KIAA0513: variants seen among roughly 807,000 people sequenced by gnomAD.
KIAA0513 encodes uncharacterized protein KIAA0513.
A neutral mutation model predicts 56.5 loss-of-function variants in KIAA0513; 39 were observed. The observed-to-expected ratio is 0.69, with a 90% CI of 0.53 to 0.90. The LOEUF is 0.90. KIAA0513 is among the 40% of genes least tolerant of loss of function. The pLI is 0.00. For missense variants in KIAA0513, 591 were observed against 535.2 expected (o/e 1.10, Z -1.03); for synonymous variants, 268 against 215.6 (o/e 1.24, Z -2.13).
At chr16:85,053,380 C>T (rs1054388828) in intron 1 of KIAA0513, among the ~76,000 whole-genome samples, 28 of 152,166 alleles carry the variant, frequency 1.8e-4, no homozygotes, top group African/African-American at 6.5e-4. Context: ...TTTTGGGTCT[C>T]GATTGTGTCA....
At position 85,076,556 on chromosome 16, in the gene KIAA0513, T is replaced by C. The variant is rs1224276311; in HGVS notation, c.574+642T>C. On this transcript the variant is annotated intron_variant, in intron 5 of 12. Coordinates refer to ENST00000683363, the MANE Select transcript of KIAA0513 (RefSeq NM_001388359.1). This position sits in a 1 kb window ranked among gnomAD's most constrained non-coding sequence, Gnocchi z 4.7. The stretch of plus-strand genomic sequence containing the variant: ...AGCCTCCTCGTGGACTGGAGCTAGG[T>C]CAGGGAGGTGCTAGGCCCTGGTCCC... 1.3e-5 allele frequency among the ~76,000 whole-genome samples: 2 copies of C among 152,098 alleles called. No homozygotes were observed. The highest frequency in any genetic ancestry group is 4.8e-5 in the African/African-American group (2 of 41,426).
intron 4 of KIAA0513, among the ~76,000 whole-genome samples, chr16:85,073,265 G>A (rs909912001): frequency 2.0e-5 from 3 of 152,190 alleles, no homozygotes; most frequent in African/African-American, 7.2e-5. Flanking sequence ...GGGTCCTCAG[G>A]GCCAGATGGT....
In KIAA0513 at chr16:85,049,870, C is replaced by T. The variant is rs2073225181; in HGVS notation, c.-172-17030C>T. Among the ~76,000 whole-genome samples, 6 of 152,302 alleles carry T rather than the reference C, an allele frequency of 3.9e-5. No individual in the cohort carries two copies. In the South Asian group the frequency reaches 1.2e-3, roughly 32 times the overall value. ...ATCTCTTAGGGAGCCTCTCCCTGTC[C>T]AGTAATTAAGTGTGGCTGTCTCCAT... On this transcript the variant is annotated intron_variant, in intron 1 of 12. Coordinates refer to ENST00000683363, the MANE Select transcript of KIAA0513 (RefSeq NM_001388359.1).
chr16:85,033,758 A>T (rs920284005), intron 1 of KIAA0513, among the ~76,000 whole-genome samples: 4 of 152,122 alleles, frequency 2.6e-5, no homozygotes, highest in Admixed American at 1.3e-4. Flanking sequence ...TCAATTCCTC[A>T]TTCTGTCACC....
At chr16:85,068,341 T>G (rs1336978206) in intron 2 of KIAA0513, among the ~76,000 whole-genome samples, 1 of 131,394 alleles carries the variant, frequency 7.6e-6, no homozygotes, top group East Asian at 2.1e-4. Context: ...ATTTTTTTTG[T>G]TTTTTTTTTG....
At chr16:85,052,061 C>A (rs1174646373) in intron 1 of KIAA0513, among the ~76,000 whole-genome samples, 1 of 152,118 alleles carries the variant, frequency 6.6e-6, no homozygotes. Context: ...GTGGCTCACG[C>A]CTGTAATCCC....
Position 85,072,927 on chromosome 16 carries a change from C to T in KIAA0513, c.432C>T (p.Arg144=). ...EWFARYVSAQ[R]CNSKCVSEAT... ...TGTGTCTGCCTCTTTCTGGACAGCGCTGCAACTCCAAGTGTGTCTCAGAGG... is the reference window on the plus strand; with the variant it reads ...TGTGTCTGCCTCTTTCTGGACAGCGTTGCAACTCCAAGTGTGTCTCAGAGG... Residue 144 remains arginine (R), a splice_region_variant and synonymous_variant, in exon 4 of 13, where the codon CGC becomes CGT. Transcript: ENST00000683363. 6.2e-7 allele frequency: 1 copy of T among 1,614,176 alleles called. No individual in the cohort carries two copies. The highest frequency in any genetic ancestry group is 8.5e-7 in the Non-Finnish European group (1 of 1,179,984).
Position 85,078,408 on chromosome 16 carries a change from C to A in KIAA0513, c.783-7C>A, listed in dbSNP as rs2073691201. 3 of 1,613,964 alleles carry A rather than the reference C, an allele frequency of 1.9e-6. No individual in the cohort carries two copies. Among genetic ancestry groups the A allele is most frequent in the South Asian group, 2.2e-5 (2 of 91,068 alleles). On this transcript the variant is annotated splice_polypyrimidine_tract_variant and splice_region_variant and intron_variant, in intron 6 of 12. Coordinates refer to ENST00000683363, the MANE Select transcript of KIAA0513 (RefSeq NM_001388359.1). The stretch of plus-strand genomic sequence containing the variant: ...CGTGTGTCATCATTGTGCCTTCTCT[C>A]CCTCAGGGAAGACGAGAACAAACCC...
chr16:85,067,538 G>A (rs560085979), intron 2 of KIAA0513, 138 bp downstream of exon 2: 24 of 670,888 alleles, frequency 3.6e-5, no homozygotes, highest in South Asian at 1.3e-4. Context: ...CAGGGGTGGC[G>A]ACTGCAGGGG....
At chr16:85,062,523 A>G (rs2073420945) in intron 1 of KIAA0513, among the ~76,000 whole-genome samples, 1 of 152,248 alleles carries the variant, frequency 6.6e-6, no homozygotes, top group African/African-American at 2.4e-5. Context: ...CTGTGGCCAA[A>G]AACACGGTTT....
intron 2 of KIAA0513, among the ~76,000 whole-genome samples, chr16:85,068,992 A>C (rs1004468322): frequency 2.0e-5 from 3 of 152,164 alleles, no homozygotes; most frequent in Non-Finnish European, 4.4e-5. Flanking sequence ...AACGTAAGAT[A>C]ATAAAGCTGT....
chr16:85,075,720 G>C, intron 4 of KIAA0513, 124 bp from the exon 5 acceptor site: 1 of 767,598 alleles, frequency 1.3e-6, no homozygotes, highest in Non-Finnish European at 2.3e-6. Flanking sequence ...ATTGTTTTGT[G>C]CATCTCCAGT....
chr16:85,083,125 C>T (rs561417140), intron 10 of KIAA0513, among the ~76,000 whole-genome samples: 3 of 152,276 alleles, frequency 2.0e-5, no homozygotes, highest in East Asian at 3.9e-4. Flanking sequence ...GAGGGAGGCA[C>T]GGAAGAAGGA....
At chr16:85,033,468 C>A (rs534199670) in intron 1 of KIAA0513, among the ~76,000 whole-genome samples, 1 of 152,194 alleles carries the variant, frequency 6.6e-6, no homozygotes, top group East Asian at 1.9e-4. Context: ...AAATAAATGG[C>A]GCGGGTGAAT....
In KIAA0513 at chr16:85,081,189, C is replaced by T. The variant is rs542626901; in HGVS notation, c.903-126C>T. 3.4e-5 allele frequency: 29 copies of T among 852,690 alleles called. No individual in the cohort carries two copies. Among genetic ancestry groups the T allele is most frequent in the Non-Finnish European group, 5.5e-5 (28 of 507,262 alleles). 52.8% of individuals were successfully genotyped at this position (852,690 alleles called of 1,614,324 possible). A position where few individuals can be genotyped will look rare whatever the true frequency, so the allele number is the denominator to read the frequency against. On this transcript the variant is annotated intron_variant, in intron 8 of 12. Coordinates refer to ENST00000683363, the MANE Select transcript of KIAA0513 (RefSeq NM_001388359.1). This position sits in a 1 kb window ranked among gnomAD's most constrained non-coding sequence, Gnocchi z 4.4. ...CAGTTTTTCCTTCTCAGCCCTACCT[C>T]TCTGAGACTTCTTAGAAGCTCAGAC...
chr16:85,059,006 T>G (rs2073367489), intron 1 of KIAA0513, among the ~76,000 whole-genome samples: 1 of 152,246 alleles, frequency 6.6e-6, no homozygotes, highest in Admixed American at 6.5e-5. Flanking sequence ...TGACTGAGTA[T>G]AAATCTATGT....
rs556029338 is a variant in KIAA0513 at position 85,085,626 on chromosome 16, C to T, written c.1011-1018C>T. The stretch of plus-strand genomic sequence containing the variant: ...GGTGTCCAGGGAGTTGTGTAAGGGT[C>T]GGGGAGGCCCCAGGCCCTGGAGGGA... On this transcript the variant is annotated intron_variant, in intron 10 of 12. Transcript: ENST00000683363. Among the ~76,000 whole-genome samples the T allele has an allele frequency of 1.2e-4, 18 of 152,252 alleles. No homozygotes were observed. In the South Asian group the frequency reaches 3.3e-3, roughly 28 times the overall value.
At position 85,089,678 on chromosome 16, in the gene KIAA0513, C is replaced by G. The variant is rs1234090220; in HGVS notation, c.*1353C>G. Reference sequence around the variant, plus strand: ...CATCCTCCCCTCCCGCCCTTCCTGGCTACCTCCTCTGACATGCGGTCAGAT... The same window carrying G: ...CATCCTCCCCTCCCGCCCTTCCTGGGTACCTCCTCTGACATGCGGTCAGAT... On this transcript the variant is annotated 3_prime_UTR_variant, in exon 13 of 13. Transcript: ENST00000683363. The surrounding 1 kb of genome is among the most constrained non-coding windows in gnomAD (Gnocchi z 4.2). 6.6e-6 allele frequency: 1 copy of G among 152,398 alleles called. No individual in the cohort carries two copies. The highest frequency in any genetic ancestry group is 2.4e-5 in the African/African-American group (1 of 41,462). The allele number at this position is 152,398 out of a possible 1,614,324, so 9.4% of individuals were successfully genotyped here. A position where few individuals can be genotyped will look rare whatever the true frequency, so the allele number is the denominator to read the frequency against.
rs1297852958 is a variant in KIAA0513, at chr16:85,067,301, CCTT to C, written c.233_235del (p.Phe78del). 6.2e-7 allele frequency: 1 copy of C among 1,612,390 alleles called. No homozygotes were observed. The highest frequency in any genetic ancestry group is 8.5e-7 in the Non-Finnish European group (1 of 1,179,666). On this transcript the variant is annotated inframe_deletion, in exon 2 of 13. Coordinates refer to ENST00000683363, the MANE Select transcript of KIAA0513 (RefSeq NM_001388359.1). Reference sequence around the variant, plus strand: ...GACCGCCGTTCCTCCTCCAACGAGTCCTTCTCCTCCAACCAGAGCACCGAGTCT... The same window carrying C: ...GACCGCCGTTCCTCCTCCAACGAGTCCTCCTCCAACCAGAGCACCGAGTCT...
Sources: allele counts gnomAD v4.1 joint callset (sites outside exome capture counted in the v4.1 genomes callset), GRCh38; gene constraint gnomAD v4.1.1; non-coding constraint Gnocchi (gnomAD v3.1); transcripts MANE v1.5; gene names NCBI Gene and HGNC (gene_info 2026-07-23, HGNC 2026-07-21).